The following PIGB variants were observed in gnomAD, a reference collection of about 807,000 sequenced individuals.
The protein encoded by PIGB is phosphatidylinositol glycan anchor biosynthesis class B.
PIGB carries 58 observed loss-of-function variants against 68.4 expected under a neutral mutation model. The observed-to-expected ratio is 0.85, with a 90% CI of 0.69 to 1.06. The LOEUF is 1.06. Ranked by LOEUF, PIGB falls within the 50% of genes least tolerant of loss-of-function variation. The pLI, the probability that PIGB is intolerant of heterozygous loss-of-function variation, is 0.00. For missense variants in PIGB, 634 were observed against 655.8 expected, an observed-to-expected ratio of 0.97 and a Z score of 0.36; for synonymous variants, 219 against 220.5, an observed-to-expected ratio of 0.99 and a Z score of 0.06.
intron 11 of PIGB, 83 bp from the exon 12 acceptor site, chr15:55,355,203 T>C: frequency 8.9e-7 from 1 of 1,125,122 alleles, no homozygotes; most frequent in Non-Finnish European, 1.3e-6. Flanking sequence ...AGACAGCAAT[T>C]AGAATAGGCA....
intron 9 of PIGB, among the ~76,000 whole-genome samples, chr15:55,343,820 T>C (rs955687729): frequency 1.3e-5 from 2 of 152,218 alleles, no homozygotes; most frequent in African/African-American, 2.4e-5. Flanking sequence ...CCTAAGGTTC[T>C]AGAGTGGGTC....
chr15:55,331,305 C>T (rs375550749), intron 5 of PIGB, among the ~76,000 whole-genome samples: 32 of 152,086 alleles, frequency 2.1e-4, no homozygotes, highest in Non-Finnish European at 4.0e-4. Context: ...AGTCAGGAAG[C>T]GCAAGGGTCA....
intron 5 of PIGB, among the ~76,000 whole-genome samples, chr15:55,333,554 A>G (rs761661880): frequency 6.6e-6 from 1 of 152,166 alleles, no homozygotes; most frequent in Non-Finnish European, 1.5e-5. Context: ...AACAAGGTGA[A>G]ACCCCATCTC....
chr15:55,348,074 T>C (rs993731624), intron 9 of PIGB, among the ~76,000 whole-genome samples: 3 of 148,610 alleles, frequency 2.0e-5, no homozygotes, highest in Admixed American at 6.8e-5. Context: ...CTGCAACCTA[T>C]GCCTGCCGGG....
chr15:55,331,436 G>A (rs974537299), intron 5 of PIGB, among the ~76,000 whole-genome samples: 10 of 152,052 alleles, frequency 6.6e-5, no homozygotes, highest in Non-Finnish European at 8.8e-5. Flanking sequence ...ACTATTGGCC[G>A]GGTGTGGTGG....
chr15:55,323,290 C>G (rs1297007144), intron 3 of PIGB, among the ~76,000 whole-genome samples: 4 of 152,172 alleles, frequency 2.6e-5, no homozygotes, highest in Admixed American at 6.5e-5. Flanking sequence ...TACTCACAGC[C>G]TAGTGCTCTT....
intron 6 of PIGB, among the ~76,000 whole-genome samples, chr15:55,335,456 A>C (rs1050630863): frequency 2.6e-5 from 4 of 152,236 alleles, no homozygotes; most frequent in Non-Finnish European, 4.4e-5. Flanking sequence ...GAGATGCATC[A>C]GTTTAACCAA....
Position 55,319,345 on chromosome 15 carries a change from T to C in PIGB, c.95T>C (p.Ile32Thr). 6.4e-7 allele frequency: 1 copy of C among 1,573,422 alleles called. No individual in the cohort carries two copies. The highest frequency in any genetic ancestry group is 1.2e-5 in the South Asian group (1 of 85,624). Residue 32 changes from isoleucine (I) to threonine (T), a missense_variant, in exon 1 of 12, where the codon ATA becomes ACA. Physicochemically the swap from Ile to Thr is moderately conservative, Grantham distance 89. Transcript: ENST00000164305. ...HGLQNRSHGKIKLRKRKSTLY... is the reference protein window; with the variant it reads ...HGLQNRSHGKTKLRKRKSTLY... The stretch of plus-strand genomic sequence containing the variant: ...CTCCAGAACCGCTCCCACGGCAAGA[T>C]AAAGCTGCGAAAGAGAAAGTCTACC...
Position 55,339,331 on chromosome 15 carries a change from A to G in PIGB, c.846+13A>G. 1.3e-6 allele frequency: 2 copies of G among 1,492,180 alleles called. No homozygotes were observed. The highest frequency in any genetic ancestry group is 1.8e-6 in the Non-Finnish European group (2 of 1,094,730). 92.4% of individuals were successfully genotyped at this position (1,492,180 alleles called of 1,614,324 possible). Reference sequence around the variant, plus strand: ...TTTTTTTGGCCAAGTAAGTAAAAGTATATTAAGCTAACAGCTATTTTTATT... The same window carrying G: ...TTTTTTTGGCCAAGTAAGTAAAAGTGTATTAAGCTAACAGCTATTTTTATT... On this transcript the variant is annotated intron_variant, in intron 7 of 11. Coordinates refer to ENST00000164305, the MANE Select transcript of PIGB (RefSeq NM_004855.5).
chr15:55,320,560 C>A, intron 2 of PIGB, 150 bp downstream of exon 2: 1 of 587,244 alleles, frequency 1.7e-6, no homozygotes, highest in East Asian at 2.8e-5. Flanking sequence ...GTAGACAGTA[C>A]CAAACTCTAT....
At chr15:55,338,613 C>G (rs754279011) in intron 6 of PIGB, among the ~76,000 whole-genome samples, 4 of 152,066 alleles carry the variant, frequency 2.6e-5, no homozygotes, top group Non-Finnish European at 4.4e-5. Flanking sequence ...CACTACTGCA[C>G]TCCAGCCTGG....
Position 55,350,712 on chromosome 15 carries a change from C to T in PIGB, c.1137C>T (p.Thr379=), listed in dbSNP as rs1423981833. ...ATCTTCATATAGGATACTCATTAAC[C>T]CACCTGAAAACATGGAAGAAACCAG... ...FCMVFCGYSL[T]HLKTWKKPAL... is the part of the protein sequence containing the mutation. Residue 379 remains threonine, a synonymous_variant, in exon 10 of 12, where the codon ACC becomes ACT. Coordinates refer to ENST00000164305, the MANE Select transcript of PIGB (RefSeq NM_004855.5). The T allele has an allele frequency of 6.2e-7, 1 of 1,611,692 alleles. No homozygotes were observed. Among genetic ancestry groups the T allele is most frequent in the Non-Finnish European group, 8.5e-7 (1 of 1,178,004 alleles).
intron 1 of PIGB, 107 bp from the exon 2 acceptor site, chr15:55,320,168 C>T: frequency 1.0e-6 from 1 of 971,450 alleles, no homozygotes; most frequent in South Asian, 1.7e-5. Context: ...GACCAGAGGT[C>T]ACTACTGTGC....
intron 10 of PIGB, 103 bp from the exon 11 acceptor site, chr15:55,354,695 G>C (rs1171895034): frequency 1.2e-6 from 1 of 849,094 alleles, no homozygotes; most frequent in Non-Finnish European, 1.8e-6. Context: ...ACAGTTTACA[G>C]ATTCAGATTT....
chr15:55,322,661 C>T (rs2055193601), intron 3 of PIGB, among the ~76,000 whole-genome samples: 1 of 152,126 alleles, frequency 6.6e-6, no homozygotes. Flanking sequence ...TGGGGTTGTA[C>T]TCTCCCCATT....
chr15:55,355,324 A>G lies in PIGB; in HGVS notation c.1557A>G (p.Arg519=), dbSNP rs2056054668. The G allele has an allele frequency of 6.2e-7, 1 of 1,611,268 alleles. No homozygotes were observed. Among genetic ancestry groups the G allele is most frequent in the Non-Finnish European group, 8.5e-7 (1 of 1,177,930 alleles). The change falls in exon 12 of 12, where the codon AGA becomes AGG. Residue 519 remains arginine, a synonymous_variant. Coordinates refer to ENST00000164305, the MANE Select transcript of PIGB (RefSeq NM_004855.5). The part of the protein sequence containing the change: ...SAFLISSNYK[R]TAVFFHTHLP... ...TCCTAATTTCAAGCAATTATAAAAG[A>G]ACTGCTGTTTTCTTCCACACTCACT...
chr15:55,322,636 G>A (rs115136731), intron 3 of PIGB, among the ~76,000 whole-genome samples: 4,124 of 152,184 alleles, frequency 0.027, 179 homozygotes, highest in African/African-American at 0.094. Context: ...AGGTTCTAGG[G>A]TATTTGTTTT....
At chr15:55,341,535 C>G (rs978273559) in intron 8 of PIGB, among the ~76,000 whole-genome samples, 4 of 152,064 alleles carry the variant, frequency 2.6e-5, no homozygotes, top group African/African-American at 9.7e-5. Context: ...AAATTGACAT[C>G]ATATTTTATG....
chr15:55,332,189 G>A (rs760816523), intron 5 of PIGB, among the ~76,000 whole-genome samples: 31 of 151,748 alleles, frequency 2.0e-4, no homozygotes, highest in Admixed American at 4.6e-4. Flanking sequence ...TGGCCAGGCT[G>A]GTCTTGAACT....
Sources: allele counts gnomAD v4.1 joint callset (sites outside exome capture counted in the v4.1 genomes callset), GRCh38; gene constraint gnomAD v4.1.1; transcripts MANE v1.5; gene names NCBI Gene and HGNC (gene_info 2026-07-23, HGNC 2026-07-21).